Variants in PRKG1 observed in about 807,000 individuals in gnomAD.
PRKG1 encodes cGMP-dependent protein kinase 1.
In PRKG1, 35 loss-of-function variants were observed where a neutral mutation model predicts 88.1. The observed-to-expected ratio is 0.40, with a 90% CI of 0.30 to 0.53. The LOEUF (loss-of-function observed/expected upper bound fraction) is 0.53, where lower values mean the gene tolerates loss of function less well. Among genes scored for constraint, PRKG1 ranks in the 20% least tolerant of loss-of-function variants. The pLI is 0.59. For synonymous variants in PRKG1, 303 were observed against 292.5 expected, an observed-to-expected ratio of 1.04 and a Z score of -0.37; for missense variants, 540 against 839.8, an observed-to-expected ratio of 0.64 and a Z score of 4.41.
At chr10:51,250,003 G>A (rs1250048904) in intron 2 of PRKG1, among the ~76,000 whole-genome samples, 1 of 151,688 alleles carries the variant, frequency 6.6e-6, no homozygotes, top group African/African-American at 2.4e-5. Context: ...ATCATCTAGG[G>A]TACTTTGTTT....
intron 3 of PRKG1, among the ~76,000 whole-genome samples, chr10:51,777,608 C>T (rs927660722): frequency 6.6e-6 from 1 of 152,122 alleles, no homozygotes; most frequent in Non-Finnish European, 1.5e-5. Flanking sequence ...GACATACCTA[C>T]ATTGACACAT....
intron 2 of PRKG1, among the ~76,000 whole-genome samples, chr10:51,350,550 C>T (rs1265341819): frequency 6.6e-6 from 1 of 152,136 alleles, no homozygotes; most frequent in Non-Finnish European, 1.5e-5. Flanking sequence ...AGCATTGTTA[C>T]TCAACATAGT....
At chr10:51,740,985 G>A (rs900471242) in intron 3 of PRKG1, among the ~76,000 whole-genome samples, 3 of 150,966 alleles carry the variant, frequency 2.0e-5, no homozygotes, top group African/African-American at 7.3e-5. Context: ...TCTCTTCCTT[G>A]CTTGCATGTT....
chr10:51,622,869 T>C, intron 3 of PRKG1, among the ~76,000 whole-genome samples: 1 of 152,234 alleles, frequency 6.6e-6, no homozygotes, highest in East Asian at 1.9e-4. Context: ...TTTTTTGTCC[T>C]GTTTCATTCA....
chr10:52,018,849 G>A (rs1239286182), intron 5 of PRKG1, among the ~76,000 whole-genome samples: 1 of 152,172 alleles, frequency 6.6e-6, no homozygotes, highest in Non-Finnish European at 1.5e-5. Flanking sequence ...AGACATTAGA[G>A]GGGAATTTGG....
chr10:51,714,422 C>G (rs1841838081), intron 3 of PRKG1, among the ~76,000 whole-genome samples: 1 of 152,140 alleles, frequency 6.6e-6, no homozygotes, highest in Non-Finnish European at 1.5e-5. Flanking sequence ...AACCTTCAAT[C>G]AGGTGGGAGA....
chr10:51,305,937 T>C (rs1467961576), intron 2 of PRKG1, among the ~76,000 whole-genome samples: 1 of 152,188 alleles, frequency 6.6e-6, no homozygotes, highest in Non-Finnish European at 1.5e-5. Flanking sequence ...TCTGTCTGAC[T>C]ATTGGAAGCC....
chr10:51,698,874 T>C, intron 3 of PRKG1: 16 of 1,614,006 alleles, frequency 9.9e-6, no homozygotes, highest in Non-Finnish European at 1.4e-5. Context: ...AGCAGAACAT[T>C]AGGTCCTGGG....
rs563410612 is a variant in PRKG1, at chr10:51,541,881, G to A, written c.592+74045G>A. ...TTTTAAAATAATGTGCCTTATAAATGTAAAATGTAAGATAGAACTTATTAA... is the reference window on the plus strand; with the variant it reads ...TTTTAAAATAATGTGCCTTATAAATATAAAATGTAAGATAGAACTTATTAA... On this transcript the variant is annotated intron_variant, in intron 3 of 17. Transcript: ENST00000373980. Among the ~76,000 whole-genome samples, 9 of 152,208 alleles carry A rather than the reference G, an allele frequency of 5.9e-5. No individual in the cohort carries two copies. In the East Asian group the frequency reaches 1.7e-3, roughly 29 times the overall value.
intron 3 of PRKG1, among the ~76,000 whole-genome samples, chr10:51,662,463 A>G (rs1454313990): frequency 6.6e-6 from 1 of 152,138 alleles, no homozygotes; most frequent in Non-Finnish European, 1.5e-5. Flanking sequence ...ATTATGTGCT[A>G]TGTAGTCTGA....
chr10:51,225,424 A>G (rs1361138086), intron 2 of PRKG1, among the ~76,000 whole-genome samples: 1 of 152,198 alleles, frequency 6.6e-6, no homozygotes, highest in Non-Finnish European at 1.5e-5. Flanking sequence ...TGCACACCAA[A>G]TTATGAATTA....
At chr10:51,136,626 T>C (rs1476602743) in intron 1 of PRKG1, among the ~76,000 whole-genome samples, 1 of 145,174 alleles carries the variant, frequency 6.9e-6, no homozygotes, top group Non-Finnish European at 1.5e-5. Context: ...GGAAGGGAGA[T>C]GAAAATACAG....
intron 4 of PRKG1, among the ~76,000 whole-genome samples, chr10:51,831,957 A>T: frequency 6.6e-6 from 1 of 152,168 alleles, no homozygotes; most frequent in East Asian, 1.9e-4. Flanking sequence ...ATTTTTCCGT[A>T]TATGTATATA....
intron 1 of PRKG1, among the ~76,000 whole-genome samples, chr10:51,077,033 TAAAG>T (rs1843970710): frequency 1.3e-5 from 2 of 152,084 alleles, no homozygotes; most frequent in Non-Finnish European, 2.9e-5. Context: ...CACACTTACA[TAAAG>T]AAAACTAGAA....
chr10:51,071,058 G>C (rs1251735682), upstream of PRKG1, among the ~76,000 whole-genome samples: 1 of 152,214 alleles, frequency 6.6e-6, no homozygotes, highest in Admixed American at 6.5e-5. Context: ...TTAGCAGAAA[G>C]TAGACTTGTG....
chr10:52,032,475 T>TTGTGATAAATGTTAAATTGTCTAGCA (rs1370619447), intron 5 of PRKG1, among the ~76,000 whole-genome samples: 18 of 152,170 alleles, frequency 1.2e-4, no homozygotes, highest in Non-Finnish European at 1.8e-4. Context: ...ACTGTCTAGC[T>TTGTGATAAATGTTAAATTGTCTAGCA]TGTGATAAAT....
At chr10:51,022,649 A>G (rs1355618073) in intron 1 of PRKG1, among the ~76,000 whole-genome samples, 1 of 152,190 alleles carries the variant, frequency 6.6e-6, no homozygotes, top group East Asian at 1.9e-4. Context: ...CAATATAGGA[A>G]GAACAAACAC....
At chr10:51,205,316 T>G (rs1371835987) in intron 2 of PRKG1, among the ~76,000 whole-genome samples, 1 of 150,810 alleles carries the variant, frequency 6.6e-6, no homozygotes, top group Non-Finnish European at 1.5e-5. Context: ...TTTTTCCGTT[T>G]TTGTGAGATG....
chr10:51,146,056 G>A (rs991786827), intron 1 of PRKG1, among the ~76,000 whole-genome samples: 2 of 152,036 alleles, frequency 1.3e-5, no homozygotes, highest in Non-Finnish European at 2.9e-5. Context: ...AGGCATGGTG[G>A]CAGGTGCCTG....
Sources: gnomAD v4.1 joint callset for allele counts (sites outside exome capture counted in the v4.1 genomes callset) on GRCh38, gnomAD v4.1.1 for gene constraint, MANE v1.5 for transcripts, NCBI Gene and HGNC (gene_info 2026-07-23, HGNC 2026-07-21) for gene names.